Variants in FMNL2 observed in about 807,000 individuals in gnomAD.
The protein encoded by FMNL2 is formin-like protein 2.
In FMNL2, 51 loss-of-function variants were observed where a neutral mutation model predicts 130.2. That is an observed-to-expected ratio of 0.39 (90% CI 0.31 to 0.49). The LOEUF (loss-of-function observed/expected upper bound fraction) is 0.49. Ranked by LOEUF, FMNL2 falls within the 20% of genes least tolerant of loss-of-function variation. FMNL2 has a pLI of 0.85. For missense variants in FMNL2, 977 were observed against 1,316.2 expected, an observed-to-expected ratio of 0.74 and a Z score of 3.99; for synonymous variants, 465 against 467.1, an observed-to-expected ratio of 1.00 and a Z score of 0.06.
rs1056524369 is a variant in FMNL2, at chr2:152,545,983, A to C, written c.283-3038A>C. Among the ~76,000 whole-genome samples, 55 of 152,302 alleles carry C rather than the reference A, an allele frequency of 3.6e-4. 2 individuals carry two copies. Among genetic ancestry groups the C allele is most frequent in the Non-Finnish European group, 6.9e-4 (47 of 68,032 alleles). ...TGCCTAGGTAGCATAGTCAGTGCCC[A>C]AAAACAGCGCTGCTGCTGTTATTAT... On this transcript the variant is annotated intron_variant, in intron 3 of 25. Coordinates refer to ENST00000288670, the MANE Select transcript of FMNL2 (RefSeq NM_052905.4).
intron 23 of FMNL2, among the ~76,000 whole-genome samples, chr2:152,639,169 G>A (rs1485908109): frequency 1.3e-5 from 2 of 152,094 alleles, no homozygotes; most frequent in East Asian, 1.9e-4. Context: ...ACTCACCTAG[G>A]GACTTTGTAG....
intron 9 of FMNL2, among the ~76,000 whole-genome samples, chr2:152,604,353 A>T (rs1698246162): frequency 1.3e-5 from 2 of 151,014 alleles, no homozygotes; most frequent in African/African-American, 2.4e-5. Flanking sequence ...GCATCAGATT[A>T]TGCAAAAGGC....
intron 25 of FMNL2, chr2:152,645,374 T>A (rs1263414813): frequency 8.0e-6 from 8 of 997,974 alleles, no homozygotes; most frequent in Non-Finnish European, 9.6e-6. Flanking sequence ...TGAGTTGCTT[T>A]CCATTTTCAT....
At chr2:152,528,152 A>G (rs576522839) in intron 2 of FMNL2, among the ~76,000 whole-genome samples, 21 of 152,336 alleles carry the variant, frequency 1.4e-4, no homozygotes, top group African/African-American at 5.0e-4. Context: ...TTTCTATCAT[A>G]TAAAAACTTT....
intron 1 of FMNL2, among the ~76,000 whole-genome samples, chr2:152,407,168 A>G (rs770628658): frequency 1.4e-5 from 2 of 147,244 alleles, no homozygotes; most frequent in Non-Finnish European, 3.0e-5. Context: ...ATCTTAAAGA[A>G]CTCTAAAATA....
At chr2:152,489,244 A>G (rs564251475) in intron 1 of FMNL2, among the ~76,000 whole-genome samples, 3 of 151,082 alleles carry the variant, frequency 2.0e-5, no homozygotes, top group Admixed American at 1.3e-4. Flanking sequence ...ATTCCTAGCC[A>G]TCCGAAGAGG....
intron 1 of FMNL2, among the ~76,000 whole-genome samples, chr2:152,485,134 T>A (rs1041436846): frequency 7.9e-5 from 12 of 152,078 alleles, no homozygotes; most frequent in Non-Finnish European, 1.8e-4. Flanking sequence ...TTGCATGAGC[T>A]TAGAAGTTTG....
At chr2:152,376,297 G>A (rs1684169129) in intron 1 of FMNL2, among the ~76,000 whole-genome samples, 1 of 152,200 alleles carries the variant, frequency 6.6e-6, no homozygotes, top group Non-Finnish European at 1.5e-5. Context: ...TGGCTATTAT[G>A]AATAATGCTG....
At chr2:152,425,850 TC>T (rs548396204) in intron 1 of FMNL2, among the ~76,000 whole-genome samples, 103 of 152,302 alleles carry the variant, frequency 6.8e-4, no homozygotes, top group African/African-American at 2.4e-3. Context: ...CCAAACGACT[TC>T]CCCCATCCCA....
At position 152,575,154 on chromosome 2, in the gene FMNL2, CAGA is replaced by C. The variant is rs758578386; in HGVS notation, c.620_622del (p.Arg207del). The C allele has an allele frequency of 3.7e-6, 6 of 1,602,368 alleles. No homozygotes were observed. Among genetic ancestry groups the C allele is most frequent in the Middle Eastern group, 1.7e-4 (1 of 6,004 alleles). ...TTTGTAGATATAATACATTGCCAAG[CAGA>C]AGAACTCTGAAAAATTCAAGATTAG... On this transcript the variant is annotated inframe_deletion, in exon 7 of 26. Coordinates refer to ENST00000288670, the MANE Select transcript of FMNL2 (RefSeq NM_052905.4).
chr2:152,351,658 A>G (rs1682492754), intron 1 of FMNL2, among the ~76,000 whole-genome samples: 1 of 152,186 alleles, frequency 6.6e-6, no homozygotes, highest in Non-Finnish European at 1.5e-5. Context: ...GTTGCAGTAG[A>G]CATACGTGTG....
intron 6 of FMNL2, among the ~76,000 whole-genome samples, chr2:152,565,059 G>C (rs1359428138): frequency 6.6e-6 from 1 of 152,048 alleles, no homozygotes; most frequent in Non-Finnish European, 1.5e-5. Flanking sequence ...TGTCAGTGCG[G>C]CTACAGAGCT....
At chr2:152,592,627 A>ATTTG in intron 9 of FMNL2, among the ~76,000 whole-genome samples, 1 of 152,302 alleles carries the variant, frequency 6.6e-6, no homozygotes, top group African/African-American at 2.4e-5. Context: ...TTAATAAAAA[A>ATTTG]TTTGTTTGTT....
intron 18 of FMNL2, among the ~76,000 whole-genome samples, chr2:152,629,052 G>T (rs530471289): frequency 6.6e-6 from 1 of 152,284 alleles, no homozygotes; most frequent in South Asian, 2.1e-4. Flanking sequence ...TCATTCCCTT[G>T]TGTTAATCTG....
rs193125034 is a variant in FMNL2 at position 152,422,685 on chromosome 2, C to T, written c.117+86965C>T. Among the ~76,000 whole-genome samples, 5 of 152,192 alleles carry T rather than the reference C, an allele frequency of 3.3e-5. No individual in the cohort carries two copies. The East Asian group carries it at 5.8e-4, about 18-fold the overall frequency. The stretch of plus-strand genomic sequence containing the variant: ...CTGGGACTACAGGCATGCACCATCA[C>T]GCCCGGCTAATTTTTGTATTTTTTG... On this transcript the variant is annotated intron_variant, in intron 1 of 25. Transcript: ENST00000288670.
chr2:152,626,646 A>C lies in FMNL2; in HGVS notation c.2084A>C (p.Glu695Ala). 6.2e-7 allele frequency: 1 copy of C among 1,613,308 alleles called. No homozygotes were observed. The highest frequency in any genetic ancestry group is 8.5e-7 in the Non-Finnish European group (1 of 1,179,634). The change falls in exon 17 of 26, where the codon GAA becomes GCA. Residue 695 changes from glutamate to alanine, a missense_variant. Glu to Ala is a moderately radical substitution (Grantham distance 107, BLOSUM62 -1). Transcript: ENST00000288670. ...GGATCAAACAAAGTGACATTACTAGAAGCAAACAGGGCCAAAAATCTTGCC... is the reference window on the plus strand; with the variant it reads ...GGATCAAACAAAGTGACATTACTAGCAGCAAACAGGGCCAAAAATCTTGCC... ...QKGSNKVTLLEANRAKNLAIT... is the reference protein window; with the variant it reads ...QKGSNKVTLLAANRAKNLAIT...
chr2:152,490,142 T>A (rs1691062883), intron 1 of FMNL2, among the ~76,000 whole-genome samples: 1 of 152,104 alleles, frequency 6.6e-6, no homozygotes, highest in Non-Finnish European at 1.5e-5. Flanking sequence ...TACTAAAATG[T>A]TAATTTCGCC....
At chr2:152,605,229 T>TC (rs1698298229) in intron 9 of FMNL2, among the ~76,000 whole-genome samples, 1 of 151,974 alleles carries the variant, frequency 6.6e-6, no homozygotes, top group African/African-American at 2.4e-5. Context: ...CATGCCCGTG[T>TC]CCCCCCAGCA....
chr2:152,537,876 C>G (rs898768477), intron 2 of FMNL2, among the ~76,000 whole-genome samples: 16 of 149,204 alleles, frequency 1.1e-4, no homozygotes, highest in African/African-American at 3.9e-4. Flanking sequence ...GAAAATACAT[C>G]AGAGACCTTA....
Sources: gnomAD v4.1 joint callset for allele counts (sites outside exome capture counted in the v4.1 genomes callset) on GRCh38, gnomAD v4.1.1 for gene constraint, MANE v1.5 for transcripts, NCBI Gene and HGNC (gene_info 2026-07-23, HGNC 2026-07-21) for gene names.